Variants in ZMYM4 observed in about 807,000 individuals in gnomAD.
ZMYM4 encodes the protein zinc finger MYM-type protein 4.
In ZMYM4, 31 loss-of-function variants were observed where a neutral mutation model predicts 183.2. The ratio of observed to expected loss-of-function variants is 0.17; its 90% CI spans 0.13 to 0.23. The LOEUF is 0.23. Among genes scored for constraint, ZMYM4 ranks in the 10% least tolerant of loss-of-function variants. ZMYM4 has a pLI of 1.00. For missense variants in ZMYM4, 1,273 were observed against 1,840.3 expected, an observed-to-expected ratio of 0.69 and a Z score of 5.64; for synonymous variants, 592 against 631.2, an observed-to-expected ratio of 0.94 and a Z score of 0.93.
At chr1:35,292,683 A>G (rs1175091048) in intron 1 of ZMYM4, among the ~76,000 whole-genome samples, 1 of 151,860 alleles carries the variant, frequency 6.6e-6, no homozygotes, top group Non-Finnish European at 1.5e-5. Context: ...TATTTTTAGT[A>G]GAGACCGGGT....
intron 2 of ZMYM4, among the ~76,000 whole-genome samples, chr1:35,355,329 G>A (rs1390392227): frequency 6.6e-6 from 1 of 150,828 alleles, no homozygotes; most frequent in Non-Finnish European, 1.5e-5. Flanking sequence ...TTACAGGCGT[G>A]AGCCACCGCA....
intron 1 of ZMYM4, among the ~76,000 whole-genome samples, chr1:35,289,136 T>C (rs1456370125): frequency 6.6e-6 from 1 of 152,180 alleles, no homozygotes; most frequent in Non-Finnish European, 1.5e-5. Flanking sequence ...GATAATATGA[T>C]AGTGATTGCA....
Position 35,390,047 on chromosome 1 carries a change from A to G in ZMYM4, c.2536A>G (p.Met846Val). 2 of 1,613,964 alleles carry G rather than the reference A, an allele frequency of 1.2e-6. No homozygotes were observed. The highest frequency in any genetic ancestry group is 8.5e-7 in the Non-Finnish European group (1 of 1,179,958). Residue 846 changes from methionine (M) to valine (V), a missense_variant, in exon 15 of 30, where the codon ATG becomes GTG. Physicochemically the swap from Met to Val is conservative, Grantham distance 21. Transcript: ENST00000314607. ...TTTCTGTAACCTGCTTTGTATCTTG[A>G]TGTTCTGTAATCAGCAAAGTGTATG... ...KHFCNLLCILMFCNQQSVCDP... is the reference protein window; with the variant it reads ...KHFCNLLCILVFCNQQSVCDP...
chr1:35,298,477 A>G (rs16837266), intron 1 of ZMYM4, among the ~76,000 whole-genome samples: 4,877 of 152,192 alleles, frequency 0.032, 243 homozygotes, highest in East Asian at 0.23. Flanking sequence ...CACTGGCAAA[A>G]TTCTCTGGGA....
intron 2 of ZMYM4, among the ~76,000 whole-genome samples, chr1:35,333,256 A>ATT (rs60325743): frequency 8.6e-6 from 1 of 115,914 alleles, no homozygotes; most frequent in East Asian, 2.3e-4. Context: ...ATCATACATG[A>ATT]TTTTTTTTTT....
chr1:35,373,376 T>C (rs962855873), intron 7 of ZMYM4, among the ~76,000 whole-genome samples: 1 of 141,920 alleles, frequency 7.0e-6, no homozygotes, highest in Admixed American at 7.5e-5. Flanking sequence ...AACTTTTTTT[T>C]TTTCTTTTTT....
intron 15 of ZMYM4, 82 bp from the exon 16 acceptor site, chr1:35,392,130 T>C: frequency 6.4e-7 from 1 of 1,572,184 alleles, no homozygotes; most frequent in Non-Finnish European, 8.7e-7. Context: ...CCTGAAAACA[T>C]TGTTTAACTT....
chr1:35,270,228 G>C (rs961592249), intron 1 of ZMYM4, among the ~76,000 whole-genome samples: 7 of 152,200 alleles, frequency 4.6e-5, no homozygotes, highest in Non-Finnish European at 8.8e-5. Context: ...CTAGTTGCAA[G>C]GTTGAGGTAG....
At chr1:35,355,200 CTTTTTTTTTTTT>C (rs1013941289) in intron 2 of ZMYM4, among the ~76,000 whole-genome samples, 10 of 77,176 alleles carry the variant, frequency 1.3e-4, no homozygotes, top group Non-Finnish European at 2.1e-4. Context: ...CGCCTGGCTT[CTTTTTTTTTTTT>C]TTTTTTTTTT....
At chr1:35,417,796 G>A (rs1640181195) in intron 28 of ZMYM4, among the ~76,000 whole-genome samples, 1 of 152,090 alleles carries the variant, frequency 6.6e-6, no homozygotes, top group Non-Finnish European at 1.5e-5. Context: ...GATCACCTGA[G>A]GTCAGGAGTT....
intron 18 of ZMYM4, among the ~76,000 whole-genome samples, chr1:35,395,483 A>G (rs1644793000): frequency 6.6e-6 from 1 of 152,094 alleles, no homozygotes; most frequent in African/African-American, 2.4e-5. Flanking sequence ...CTCTAGTCAA[A>G]TTGTTAGCTC....
intron 26 of ZMYM4, among the ~76,000 whole-genome samples, chr1:35,412,194 C>T (rs2149040115): frequency 6.6e-6 from 1 of 151,814 alleles, no homozygotes; most frequent in South Asian, 2.1e-4. Context: ...TTCTTAATTT[C>T]CTGTTTGGAT....
At position 35,301,276 on chromosome 1, in the gene ZMYM4, G is replaced by A. The variant is rs1641264401; in HGVS notation, c.40-24084G>A. 4.6e-5 allele frequency among the ~76,000 whole-genome samples: 7 copies of A among 152,116 alleles called. No homozygotes were observed. The South Asian group carries it at 1.2e-3, about 27-fold the overall frequency. On this transcript the variant is annotated intron_variant, in intron 1 of 29. Coordinates refer to ENST00000314607, the MANE Select transcript of ZMYM4 (RefSeq NM_005095.3). ...GTCTTTTCCTTCTGGGCTGAGTGTG[G>A]TGGCTTACACCTGTAATCCCAGCAC...
rs1004938018 is a variant in ZMYM4 at position 35,276,264 on chromosome 1, TTCCC to T, written c.39+7193_39+7196del. ...TTTCTGTCCCTCCCTCCCTCCCTCCTTCCCTCCCTCCCTCCCTTCTTTCTTCCCT... is the reference window on the plus strand; with the variant it reads ...TTTCTGTCCCTCCCTCCCTCCCTCCTTCCCTCCCTCCCTTCTTTCTTCCCT... On this transcript the variant is annotated intron_variant, in intron 1 of 29. Transcript: ENST00000314607. 1.6e-3 allele frequency among the ~76,000 whole-genome samples: 137 copies of T among 87,958 alleles called. 1 individual carries two copies. The highest frequency in any genetic ancestry group is 5.1e-3 in the African/African-American group (116 of 22,860). The allele number at this position is 87,958 out of a possible 152,430, so 57.7% of individuals were successfully genotyped here.
chr1:35,373,544 A>ATTTTTTTTTTTTTTT, intron 7 of ZMYM4, among the ~76,000 whole-genome samples: 1 of 122,816 alleles, frequency 8.1e-6, no homozygotes, highest in Non-Finnish European at 1.7e-5. Flanking sequence ...TGCACAGCTA[A>ATTTTTTTTTTTTTTT]TTTTTTTTTT....
At chr1:35,373,764 C>T (rs1386264627) in intron 7 of ZMYM4, among the ~76,000 whole-genome samples, 1 of 151,384 alleles carries the variant, frequency 6.6e-6, no homozygotes, top group Non-Finnish European at 1.5e-5. Flanking sequence ...GTCTCGATCT[C>T]CTGACCTTGT....
intron 7 of ZMYM4, among the ~76,000 whole-genome samples, chr1:35,380,484 C>T (rs915769766): frequency 6.6e-6 from 1 of 152,088 alleles, no homozygotes; most frequent in Non-Finnish European, 1.5e-5. Context: ...CATGCCGCCA[C>T]GCCTGGCTAA....
intron 19 of ZMYM4, 96 bp from the exon 20 acceptor site, chr1:35,397,281 G>A (rs1250968131): frequency 7.6e-7 from 1 of 1,312,688 alleles, no homozygotes; most frequent in East Asian, 2.5e-5. Flanking sequence ...CCTTAAATTT[G>A]TTTACTATTT....
At chr1:35,310,548 T>G (rs144983354) in intron 1 of ZMYM4, 2,669 of 153,192 alleles carry the variant, frequency 0.017, 72 homozygotes, top group African/African-American at 0.06. Context: ...TGTATTTTAT[T>G]TTTTAAATGA....
Sources: gnomAD v4.1 joint callset for allele counts (sites outside exome capture counted in the v4.1 genomes callset) on GRCh38, gnomAD v4.1.1 for gene constraint, MANE v1.5 for transcripts, NCBI Gene and HGNC (gene_info 2026-07-23, HGNC 2026-07-21) for gene names.